DCLK2: variants seen among roughly 807,000 people sequenced by gnomAD.
DCLK2 encodes the protein doublecortin like kinase 2, also known as serine/threonine-protein kinase DCLK2.
In DCLK2, 31 loss-of-function variants were observed where a neutral mutation model predicts 78.4. The ratio of observed to expected loss-of-function variants is 0.40; its 90% CI spans 0.30 to 0.53. The LOEUF (loss-of-function observed/expected upper bound fraction) is 0.53. Among genes scored for constraint, DCLK2 ranks in the 20% least tolerant of loss-of-function variants. The pLI is 0.61. For missense variants in DCLK2, 872 were observed against 973.7 expected, an observed-to-expected ratio of 0.90 and a Z score of 1.39; for synonymous variants, 407 against 374.9, an observed-to-expected ratio of 1.09 and a Z score of -0.99.
Position 150,079,089 on chromosome 4 carries a change from C to A in DCLK2, c.62C>A (p.Pro21Gln). 1.3e-6 allele frequency: 2 copies of A among 1,563,736 alleles called. No individual in the cohort carries two copies. Among genetic ancestry groups the A allele is most frequent in the Non-Finnish European group, 1.7e-6 (2 of 1,158,432 alleles). The change falls in exon 1 of 16, where the codon CCG becomes CAG. Residue 21 changes from proline to glutamine, a missense_variant. Coordinates refer to ENST00000296550, the MANE Select transcript of DCLK2 (RefSeq NM_001040260.4). The part of the protein sequence containing the change: ...HFEERDKRPR[P>Q]GSRRGAPSSS... ...GAGGAACGGGACAAAAGGCCGCGGC[C>A]GGGGTCGCGGAGAGGGGCCCCCAGC...
intron 2 of DCLK2, among the ~76,000 whole-genome samples, chr4:150,164,547 C>T (rs1735930147): frequency 6.6e-6 from 1 of 152,190 alleles, no homozygotes; most frequent in East Asian, 1.9e-4. Flanking sequence ...ACCTGTAATC[C>T]CAGCACTTTG....
chr4:150,238,492 A>G (rs1182254895), intron 10 of DCLK2, among the ~76,000 whole-genome samples: 1 of 152,194 alleles, frequency 6.6e-6, no homozygotes, highest in African/African-American at 2.4e-5. Flanking sequence ...GAAATTTGCT[A>G]TATATTGCTG....
chr4:150,229,265 T>C (rs967763371), intron 8 of DCLK2, among the ~76,000 whole-genome samples: 1 of 152,070 alleles, frequency 6.6e-6, no homozygotes, highest in Admixed American at 6.6e-5. Flanking sequence ...GAGGTTGAGG[T>C]TGCAGTGAGC....
At chr4:150,157,424 A>C (rs1331918086) in intron 2 of DCLK2, among the ~76,000 whole-genome samples, 1 of 151,808 alleles carries the variant, frequency 6.6e-6, no homozygotes, top group Admixed American at 6.6e-5. Flanking sequence ...TTCTCTGAGT[A>C]TCTGGGACTA....
rs376690752 is a variant in DCLK2, at chr4:150,247,593, A to C, written c.1779-10A>C. The C allele has an allele frequency of 6.2e-7, 1 of 1,611,014 alleles. No homozygotes were observed. Among genetic ancestry groups the C allele is most frequent in the African/African-American group, 1.3e-5 (1 of 74,830 alleles). ...TTGACTTTTCTTCCATTTCTTTGTCACTGGCTTAGTGAGAACAATCTCCAG... is the reference window on the plus strand; with the variant it reads ...TTGACTTTTCTTCCATTTCTTTGTCCCTGGCTTAGTGAGAACAATCTCCAG... On this transcript the variant is annotated splice_polypyrimidine_tract_variant and intron_variant, in intron 12 of 15. Coordinates refer to ENST00000296550, the MANE Select transcript of DCLK2 (RefSeq NM_001040260.4).
rs926158997 is a variant in DCLK2 at position 150,138,911 on chromosome 4, G to A, written c.756+36099G>A. 4.0e-5 allele frequency among the ~76,000 whole-genome samples: 6 copies of A among 151,876 alleles called. No individual in the cohort carries two copies. In the South Asian group the frequency reaches 6.2e-4, roughly 16 times the overall value. ...AATCTCCTGACCTTGTGATCTGCCC[G>A]CCTTGGCCTCCCAAAGTGCTGGGAT... On this transcript the variant is annotated intron_variant, in intron 2 of 15. Coordinates refer to ENST00000296550, the MANE Select transcript of DCLK2 (RefSeq NM_001040260.4).
intron 15 of DCLK2, 107 bp downstream of exon 15, chr4:150,249,791 C>A: frequency 2.3e-6 from 2 of 874,020 alleles, no homozygotes; most frequent in South Asian, 1.4e-5. Context: ...CTTCCGTAGT[C>A]CTATTTCATA....
At chr4:150,229,704 C>T (rs1741896172) in intron 8 of DCLK2, among the ~76,000 whole-genome samples, 2 of 152,030 alleles carry the variant, frequency 1.3e-5, no homozygotes, top group Non-Finnish European at 2.9e-5. Context: ...TGTCCTTTGC[C>T]AAGTTAGCAG....
rs148315360 is a variant in DCLK2, at chr4:150,220,766, A to G, written c.1120A>G (p.Ile374Val). The G allele has an allele frequency of 3.1e-6, 5 of 1,613,440 alleles. No homozygotes were observed. The highest frequency in any genetic ancestry group is 4.2e-6 in the Non-Finnish European group (5 of 1,179,624). The change falls in exon 6 of 16, where the codon ATA (isoleucine) becomes GTA (valine). Residue 374 changes from isoleucine to valine, a missense_variant. Coordinates refer to ENST00000296550, the MANE Select transcript of DCLK2 (RefSeq NM_001040260.4). ...VNGGPELDRC[I>V]SPEGVNGNRC... ...CGGTGGACCTGAGCTTGACCGTTGC[A>G]TAAGTCCTGAAGGTAGTTCTCAGTC...
At chr4:150,160,076 G>A (rs1231768435) in intron 2 of DCLK2, among the ~76,000 whole-genome samples, 1 of 151,746 alleles carries the variant, frequency 6.6e-6, no homozygotes, top group Non-Finnish European at 1.5e-5. Flanking sequence ...GTGCAGTGGT[G>A]TGATCGCTGC....
intron 12 of DCLK2, among the ~76,000 whole-genome samples, chr4:150,244,487 A>C (rs1743156968): frequency 1.3e-5 from 2 of 152,240 alleles, no homozygotes; most frequent in African/African-American, 4.8e-5. Flanking sequence ...TTTCTGAATT[A>C]TAATGCTTTG....
intron 2 of DCLK2, chr4:150,175,757 T>C (rs964866940): frequency 2.0e-5 from 3 of 152,212 alleles, no homozygotes; most frequent in Non-Finnish European, 2.9e-5. Flanking sequence ...TTGCACTTAC[T>C]GTAGAATATG....
intron 2 of DCLK2, among the ~76,000 whole-genome samples, chr4:150,185,818 G>T (rs928472976): frequency 2.0e-5 from 3 of 152,088 alleles, no homozygotes; most frequent in African/African-American, 7.2e-5. Context: ...AGTGGTTGTG[G>T]CAAGCTGTTA....
At chr4:150,150,388 G>T (rs1364542091) in intron 2 of DCLK2, among the ~76,000 whole-genome samples, 3 of 152,040 alleles carry the variant, frequency 2.0e-5, no homozygotes, top group Admixed American at 6.6e-5. Context: ...TCCACAAAAT[G>T]GGGACAGTAA....
intron 2 of DCLK2, among the ~76,000 whole-genome samples, chr4:150,146,154 A>T (rs1422139517): frequency 6.6e-6 from 1 of 152,216 alleles, no homozygotes; most frequent in East Asian, 1.9e-4. Flanking sequence ...TCACCCAAGA[A>T]AGTAATTTAC....
intron 12 of DCLK2, among the ~76,000 whole-genome samples, chr4:150,242,471 A>G (rs1217817642): frequency 6.6e-6 from 1 of 152,244 alleles, no homozygotes; most frequent in Non-Finnish European, 1.5e-5. Flanking sequence ...TGAGTAACAC[A>G]CTACCCCTGA....
At chr4:150,178,782 T>C (rs1737273984) in intron 2 of DCLK2, among the ~76,000 whole-genome samples, 1 of 152,198 alleles carries the variant, frequency 6.6e-6, no homozygotes, top group African/African-American at 2.4e-5. Context: ...TTATTTTCTT[T>C]CCTCCTAATC....
intron 1 of DCLK2, among the ~76,000 whole-genome samples, chr4:150,082,272 C>G (rs1310016015): frequency 6.6e-6 from 1 of 152,122 alleles, no homozygotes; most frequent in African/African-American, 2.4e-5. Context: ...ACATTATGTT[C>G]AACTAGGCTC....
At chr4:150,160,233 G>T (rs1735608378) in intron 2 of DCLK2, among the ~76,000 whole-genome samples, 1 of 152,076 alleles carries the variant, frequency 6.6e-6, no homozygotes, top group East Asian at 1.9e-4. Context: ...GCCCAGGCTG[G>T]TCTCCAACTC....
Sources: allele counts gnomAD v4.1 joint callset (sites outside exome capture counted in the v4.1 genomes callset), GRCh38; gene constraint gnomAD v4.1.1; transcripts MANE v1.5; gene names NCBI Gene and HGNC (gene_info 2026-07-23, HGNC 2026-07-21).